SRSF4: variants seen among roughly 807,000 people sequenced by gnomAD.
The protein encoded by SRSF4 is serine/arginine-rich splicing factor 4.
A neutral mutation model predicts 48.8 loss-of-function variants in SRSF4; 12 were observed. That is an observed-to-expected ratio of 0.25 (90% CI 0.16 to 0.40). The LOEUF (loss-of-function observed/expected upper bound fraction) is 0.40, where lower values mean the gene tolerates loss of function less well. Ranked by LOEUF, SRSF4 falls within the 10% of genes least tolerant of loss-of-function variation. The pLI is 1.00. For missense variants in SRSF4, 466 were observed against 667.1 expected, an observed-to-expected ratio of 0.70 and a Z score of 3.32; for synonymous variants, 248 against 232.5, an observed-to-expected ratio of 1.07 and a Z score of -0.61.
chr1:29,158,654 T>C (rs1242098547), intron 3 of SRSF4, among the ~76,000 whole-genome samples: 2 of 152,144 alleles, frequency 1.3e-5, no homozygotes, highest in Non-Finnish European at 2.9e-5. Flanking sequence ...GAGAGAAATT[T>C]CGTTATCACA....
chr1:29,160,579 A>G, intron 1 of SRSF4, 62 bp from the exon 2 acceptor site: 2 of 1,529,036 alleles, frequency 1.3e-6, no homozygotes, highest in South Asian at 1.3e-5. Flanking sequence ...CACTAACATT[A>G]AAGAGAAAGC....
chr1:29,174,997 AAAAAG>A (rs1254162632), intron 1 of SRSF4, among the ~76,000 whole-genome samples: 4 of 151,024 alleles, frequency 2.6e-5, no homozygotes, highest in Admixed American at 6.6e-5. Context: ...TAAAAAAAAA[AAAAAG>A]AAAAGAAGAG....
chr1:29,158,587 G>A (rs970950156), intron 3 of SRSF4, among the ~76,000 whole-genome samples: 1 of 151,694 alleles, frequency 6.6e-6, no homozygotes, highest in African/African-American at 2.4e-5. Flanking sequence ...CCACCACCAC[G>A]CCCGGCTAAT....
chr1:29,179,396 G>C (rs939165327), intron 1 of SRSF4, among the ~76,000 whole-genome samples: 7 of 152,162 alleles, frequency 4.6e-5, no homozygotes, highest in African/African-American at 1.7e-4. Flanking sequence ...GGGTCTTGCT[G>C]TTACCCAGAC....
chr1:29,175,351 C>T (rs979765063), intron 1 of SRSF4, among the ~76,000 whole-genome samples: 4 of 149,804 alleles, frequency 2.7e-5, no homozygotes, highest in African/African-American at 7.4e-5. Context: ...AGGTGAGCCA[C>T]GATTGTGCCA....
At chr1:29,172,346 G>C (rs370354716) in intron 1 of SRSF4, 13 of 152,142 alleles carry the variant, frequency 8.5e-5, no homozygotes, top group African/African-American at 2.9e-4. Flanking sequence ...CCAAGCTGGA[G>C]TGGAATGGTG....
chr1:29,150,549 C>G (rs1457526306), intron 4 of SRSF4, among the ~76,000 whole-genome samples: 2 of 152,140 alleles, frequency 1.3e-5, no homozygotes, highest in South Asian at 2.1e-4. Flanking sequence ...CAGGCATGAG[C>G]CACCGTACCC....
chr1:29,162,819 G>A (rs904337173), intron 1 of SRSF4, among the ~76,000 whole-genome samples: 4 of 152,168 alleles, frequency 2.6e-5, no homozygotes, highest in African/African-American at 9.7e-5. Flanking sequence ...AATAGTGAAG[G>A]GTTACAACTA....
Position 29,171,865 on chromosome 1 carries a change from C to G in SRSF4, c.107+9781G>C, listed in dbSNP as rs543552779. Reference sequence around the variant, plus strand: ...CCTCAATGAGAAAGGAGGAGCAAAACAGTATATTAAACTGAAGAACAGGGA... The same window carrying G: ...CCTCAATGAGAAAGGAGGAGCAAAAGAGTATATTAAACTGAAGAACAGGGA... On this transcript the variant is annotated intron_variant, in intron 1 of 5. Coordinates refer to ENST00000373795, the MANE Select transcript of SRSF4 (RefSeq NM_005626.5). 9 of 152,276 alleles carry G rather than the reference C, an allele frequency of 5.9e-5. No homozygotes were observed. The South Asian group carries it at 1.9e-3, about 32-fold the overall frequency. 9.4% of individuals were successfully genotyped at this position (152,276 alleles called of 1,614,324 possible). A position where few individuals can be genotyped will look rare whatever the true frequency, so the allele number is the denominator to read the frequency against.
At position 29,150,194 on chromosome 1, in the gene SRSF4, TA is replaced by T. The variant is rs776474757; in HGVS notation, c.579-3del. 2.7e-5 allele frequency: 43 copies of T among 1,613,338 alleles called. No homozygotes were observed. In the African/African-American group the frequency reaches 4.1e-4, roughly 16 times the overall value. Reference sequence around the variant, plus strand: ...GAATGTCTGCTTCGAGAGCGAGACCTAGGGGGAGAAAATATTTTTTAATACT... The same window carrying T: ...GAATGTCTGCTTCGAGAGCGAGACCTGGGGGAGAAAATATTTTTTAATACT... On this transcript the variant is annotated splice_region_variant and splice_polypyrimidine_tract_variant and intron_variant, in intron 4 of 5. Coordinates refer to ENST00000373795, the MANE Select transcript of SRSF4 (RefSeq NM_005626.5).
At chr1:29,181,358 G>C (rs1445805935) in intron 1 of SRSF4, among the ~76,000 whole-genome samples, 1 of 152,008 alleles carries the variant, frequency 6.6e-6, no homozygotes, top group Non-Finnish European at 1.5e-5. Flanking sequence ...CGGGCGCCCT[G>C]GAGCTGTGCC....
chr1:29,163,070 T>C (rs1672622452), intron 1 of SRSF4, among the ~76,000 whole-genome samples: 1 of 152,230 alleles, frequency 6.6e-6, no homozygotes, highest in South Asian at 2.1e-4. Context: ...TAAAAATTAA[T>C]GTTACGACAG....
At chr1:29,153,776 A>AT (rs1672453403) in intron 4 of SRSF4, among the ~76,000 whole-genome samples, 2 of 149,352 alleles carry the variant, frequency 1.3e-5, no homozygotes, top group Non-Finnish European at 3.0e-5. Flanking sequence ...ATTTTTTTGT[A>AT]TTTTTTCAGT....
At chr1:29,171,018 G>T in intron 1 of SRSF4, 1 of 152,216 alleles carries the variant, frequency 6.6e-6, no homozygotes. Flanking sequence ...CAAACTATGG[G>T]CATACAAATT....
chr1:29,160,266 A>T, intron 2 of SRSF4, 109 bp downstream of exon 2: 2 of 1,274,306 alleles, frequency 1.6e-6, no homozygotes, highest in Non-Finnish European at 2.1e-6. Flanking sequence ...TAATTTACAA[A>T]ATAGCTTAAA....
chr1:29,156,353 C>A (rs1461478277), intron 3 of SRSF4, among the ~76,000 whole-genome samples: 27 of 144,106 alleles, frequency 1.9e-4, no homozygotes, highest in African/African-American at 1.5e-4. Flanking sequence ...ACCTTCGTCT[C>A]AAAAAAAAAA....
At chr1:29,181,560 C>A in intron 1 of SRSF4, 86 bp downstream of exon 1, 2 of 1,205,434 alleles carry the variant, frequency 1.7e-6, no homozygotes, top group East Asian at 2.9e-5. Context: ...CCGCGCGGAC[C>A]AGGCGTCCCT....
At position 29,148,537 on chromosome 1, in the gene SRSF4, T is replaced by G; in HGVS notation, c.1358A>C (p.Asn453Thr). Residue 453 changes from asparagine (N) to threonine (T), a missense_variant, in exon 6 of 6, where the codon AAC (asparagine) becomes ACC (threonine). Transcript: ENST00000373795. Reference protein sequence around the residue: ...RSRSNSKSKPNLPSESRSRSK... With the variant: ...RSRSNSKSKPTLPSESRSRSK... ...TCTGGAGCGTGATTCTGATGGAAGGTTTGGTTTCGATTTGGAATTGGATCT... is the reference window on the plus strand; with the variant it reads ...TCTGGAGCGTGATTCTGATGGAAGGGTTGGTTTCGATTTGGAATTGGATCT... The G allele has an allele frequency of 1.2e-6, 2 of 1,614,002 alleles. No homozygotes were observed. The highest frequency in any genetic ancestry group is 1.7e-6 in the Non-Finnish European group (2 of 1,180,002).
Position 29,148,591 on chromosome 1 carries a change from C to A in SRSF4, c.1304G>T (p.Gly435Val). The change falls in exon 6 of 6, where the codon GGC becomes GTC. Residue 435 changes from glycine (G) to valine (V), a missense_variant. Gly to Val is a moderately radical substitution (Grantham distance 109, BLOSUM62 -3). Transcript: ENST00000373795. ...CCTGGACCGGGTCTCCTGATTGGTG[C>A]CAGCATTCTCACTCTCTCCTCGACC... ...REGRGESENA[G>V]TNQETRSRSR... The A allele has an allele frequency of 2.5e-6, 4 of 1,614,000 alleles. No homozygotes were observed. The highest frequency in any genetic ancestry group is 3.3e-4 in the Middle Eastern group (2 of 6,062).
Sources: allele counts gnomAD v4.1 joint callset (sites outside exome capture counted in the v4.1 genomes callset), GRCh38; gene constraint gnomAD v4.1.1; transcripts MANE v1.5; gene names NCBI Gene and HGNC (gene_info 2026-07-23, HGNC 2026-07-21).